PKHD1L1: variants seen among roughly 807,000 people sequenced by gnomAD.
PKHD1L1 encodes fibrocystin-L.
In PKHD1L1, 434 loss-of-function variants were observed where a neutral mutation model predicts 462.9. The observed-to-expected ratio is 0.94, with a 90% confidence interval of 0.87 to 1.02. The LOEUF (loss-of-function observed/expected upper bound fraction) is 1.02, where lower values mean the gene tolerates loss of function less well. Among genes scored for constraint, PKHD1L1 ranks in the 50% least tolerant of loss-of-function variants. The pLI is 0.00. For missense variants in PKHD1L1, 5,202 were observed against 5,096.1 expected (o/e 1.02, Z -0.63); for synonymous variants, 1,781 against 1,750.0 (o/e 1.02, Z -0.44).
intron 27 of PKHD1L1, among the ~76,000 whole-genome samples, chr8:109,430,951 G>A (rs1038176990): frequency 6.6e-6 from 1 of 150,420 alleles, no homozygotes; most frequent in Admixed American, 6.6e-5. Flanking sequence ...ATCCACTCTT[G>A]CATTTTGTAA....
At position 109,371,615 on chromosome 8, in the gene PKHD1L1, T is replaced by G. The variant is rs545052964; in HGVS notation, c.163+6979T>G. On this transcript the variant is annotated intron_variant, in intron 2 of 77. Transcript: ENST00000378402. ...CCTGAATGGTATTGCCTAGGTTTTC[T>G]TCTAGGGTTTTTATGGTTTTAGGTC... 1.7e-3 allele frequency among the ~76,000 whole-genome samples: 238 copies of G among 140,982 alleles called. 2 individuals carry two copies. The highest frequency in any genetic ancestry group is 6.9e-3 in the Middle Eastern group (2 of 290). The allele number at this position is 140,982 out of a possible 152,430, so 92.5% of individuals were successfully genotyped here. A position where few individuals can be genotyped will look rare whatever the true frequency, so the allele number is the denominator to read the frequency against.
intron 2 of PKHD1L1, among the ~76,000 whole-genome samples, chr8:109,370,047 A>T (rs1043779944): frequency 1.3e-5 from 2 of 152,210 alleles, no homozygotes; most frequent in Non-Finnish European, 2.9e-5. Flanking sequence ...AGCTAAGAAC[A>T]TAAGGGCTGG....
At chr8:109,421,510 C>T (rs1377991966) in intron 23 of PKHD1L1, among the ~76,000 whole-genome samples, 2 of 151,960 alleles carry the variant, frequency 1.3e-5, no homozygotes, top group Admixed American at 6.6e-5. Context: ...TGGCCGGGCG[C>T]GGTGGCTCAC....
intron 50 of PKHD1L1, among the ~76,000 whole-genome samples, chr8:109,467,564 T>G (rs1817514700): frequency 1.3e-5 from 2 of 152,122 alleles, no homozygotes; most frequent in African/African-American, 4.8e-5. Flanking sequence ...TTCCAGTTAT[T>G]AAGTCTGCCT....
At chr8:109,466,466 A>G (rs956018652) in intron 49 of PKHD1L1, 112 bp from the exon 50 acceptor site, 6 of 1,099,550 alleles carry the variant, frequency 5.5e-6, no homozygotes, top group Admixed American at 3.4e-5. Context: ...AAAACTACCC[A>G]GACTTTTAGA....
chr8:109,456,239 C>T (rs371134197), intron 45 of PKHD1L1, 23 bp from the exon 46 acceptor site: 67 of 1,592,770 alleles, frequency 4.2e-5, no homozygotes, highest in Non-Finnish European at 1.2e-5. Context: ...TAAGGAAATA[C>T]TCAGTGTGTA....
At position 109,459,693 on chromosome 8, in the gene PKHD1L1, G is replaced by A; in HGVS notation, c.7103G>A (p.Gly2368Glu). Reference sequence around the variant, plus strand: ...AACCCACTAAATTACACACACTTAGGAATTACGGTCACACTCCCTGATGGA... The same window carrying A: ...AACCCACTAAATTACACACACTTAGAAATTACGGTCACACTCCCTGATGGA... ...LSNPLNYTHL[G>E]ITVTLPDGTL... The change falls in exon 47 of 78, where the codon GGA becomes GAA. Residue 2368 changes from glycine (G) to glutamate (E), a missense_variant. Gly to Glu is a moderately conservative substitution (Grantham distance 98). This residue lies in a region of PKHD1L1 where 4,497 missense variants were observed against 4,336.8 expected (regional missense o/e 1.04). Transcript: ENST00000378402. 1.2e-6 allele frequency: 2 copies of A among 1,611,636 alleles called. No individual in the cohort carries two copies. Among genetic ancestry groups the A allele is most frequent in the African/African-American group, 2.7e-5 (2 of 74,914 alleles).
intron 9 of PKHD1L1, among the ~76,000 whole-genome samples, chr8:109,394,194 A>G (rs13270894): frequency 0.28 from 39,234 of 142,062 alleles, 6,111 homozygotes; most frequent in East Asian, 0.4. Context: ...AAAAAAAAAA[A>G]AAAGAAATCA....
At position 109,454,257 on chromosome 8, in the gene PKHD1L1, G is replaced by T; in HGVS notation, c.6744+11G>T. ...GGAGGTGTTCTTCAGGTATTCAAAAGAACATAATACATATTCATTTCCAAC... is the reference window on the plus strand; with the variant it reads ...GGAGGTGTTCTTCAGGTATTCAAAATAACATAATACATATTCATTTCCAAC... On this transcript the variant is annotated intron_variant, in intron 44 of 77. Coordinates refer to ENST00000378402, the MANE Select transcript of PKHD1L1 (RefSeq NM_177531.6). The T allele has an allele frequency of 6.4e-7, 1 of 1,569,806 alleles. No individual in the cohort carries two copies.
At chr8:109,363,262 C>A (rs890884660) in intron 1 of PKHD1L1, among the ~76,000 whole-genome samples, 1 of 152,194 alleles carries the variant, frequency 6.6e-6, no homozygotes, top group African/African-American at 2.4e-5. Flanking sequence ...GATCCAGCTT[C>A]CCCGCTGGAG....
intron 52 of PKHD1L1, 134 bp from the exon 53 acceptor site, chr8:109,477,091 C>T: frequency 4.0e-6 from 3 of 742,632 alleles, no homozygotes; most frequent in Non-Finnish European, 6.6e-6. Flanking sequence ...AGAATTTCTC[C>T]ATACCTCTTC....
At chr8:109,429,312 C>G (rs764881901) in intron 25 of PKHD1L1, 28 bp from the exon 26 acceptor site, 1 of 1,457,732 alleles carries the variant, frequency 6.9e-7, no homozygotes, top group African/African-American at 1.4e-5. Flanking sequence ...TATAACCTTT[C>G]TAGTAAAATA....
chr8:109,457,150 G>C (rs1032597951), intron 46 of PKHD1L1, among the ~76,000 whole-genome samples: 3 of 152,058 alleles, frequency 2.0e-5, no homozygotes, highest in African/African-American at 7.2e-5. Context: ...ATTAGGAAAT[G>C]AACAGTGATT....
At chr8:109,438,837 A>G (rs1298369647) in intron 31 of PKHD1L1, 60 bp from the exon 32 acceptor site, 13 of 1,276,066 alleles carry the variant, frequency 1.0e-5, no homozygotes, top group Non-Finnish European at 1.4e-5. Flanking sequence ...TAATATGCAA[A>G]TTTCACACTG....
At chr8:109,489,091 A>C (rs941203638) in intron 59 of PKHD1L1, among the ~76,000 whole-genome samples, 3 of 151,910 alleles carry the variant, frequency 2.0e-5, no homozygotes, top group Non-Finnish European at 4.4e-5. Flanking sequence ...CTTCTCTATC[A>C]TTATCTCAAT....
intron 1 of PKHD1L1, among the ~76,000 whole-genome samples, chr8:109,363,498 T>A (rs899993698): frequency 2.0e-5 from 3 of 152,200 alleles, no homozygotes; most frequent in African/African-American, 7.2e-5. Context: ...TTTATATACA[T>A]CCATTTTGAG....
At chr8:109,454,080 TTA>T in intron 43 of PKHD1L1, 85 bp from the exon 44 acceptor site, 1 of 705,020 alleles carries the variant, frequency 1.4e-6, no homozygotes, top group Non-Finnish European at 2.3e-6. Context: ...AATTTAATAA[TTA>T]TGTTAAATTG....
At chr8:109,430,100 A>T (rs201506782) in intron 27 of PKHD1L1, 63 bp downstream of exon 27, 116 of 1,039,852 alleles carry the variant, frequency 1.1e-4, no homozygotes, top group Admixed American at 2.7e-5. Context: ...GTAAACTCTG[A>T]TAATGACTTT....
chr8:109,436,317 T>C (rs1163341917), intron 29 of PKHD1L1, 21 bp from the exon 30 acceptor site: 1 of 1,597,278 alleles, frequency 6.3e-7, no homozygotes, highest in Admixed American at 1.8e-5. Context: ...GTTGTTGTTT[T>C]TGTTTGCTTT....
Sources: allele counts gnomAD v4.1 joint callset (sites outside exome capture counted in the v4.1 genomes callset), GRCh38; gene constraint gnomAD v4.1.1; regional missense constraint gnomAD v4.1.1; transcripts MANE v1.5; gene names NCBI Gene and HGNC (gene_info 2026-07-23, HGNC 2026-07-21).